The following CCSER2 variants were observed in gnomAD, a reference collection of about 807,000 sequenced individuals.
CCSER2 encodes the protein serine-rich coiled-coil domain-containing protein 2.
In CCSER2, 46 loss-of-function variants were observed where a neutral mutation model predicts 92.3. The observed-to-expected ratio is 0.50, with a 90% CI of 0.39 to 0.64. CCSER2 has a LOEUF of 0.64. CCSER2 is among the 30% of genes least tolerant of loss of function. The probability of loss-of-function intolerance (pLI) is 0.00; values close to 1 mark genes in which losing one functional copy is unlikely to be tolerated. For missense variants in CCSER2, 1,244 were observed against 1,238.9 expected, an observed-to-expected ratio of 1.00 and a Z score of -0.06; for synonymous variants, 433 against 431.4, an observed-to-expected ratio of 1.00 and a Z score of -0.04.
chr10:84,391,752 A>T (rs1156343905), intron 3 of CCSER2: 24 of 1,518,854 alleles, frequency 1.6e-5, no homozygotes, highest in Admixed American at 5.0e-5. Context: ...CTACAGCAGT[A>T]TGAAGACCCT....
At chr10:84,483,980 TA>T (rs1847631921) in intron 9 of CCSER2, among the ~76,000 whole-genome samples, 2 of 124,632 alleles carry the variant, frequency 1.6e-5, no homozygotes, top group South Asian at 2.7e-4. Flanking sequence ...TATATATATA[TA>T]TATATATATA....
rs558527229 is a variant in CCSER2, at chr10:84,516,657, C to T, written c.*2390C>T. On this transcript the variant is annotated 3_prime_UTR_variant, in exon 10 of 10. Transcript: ENST00000372088. ...TAATTCCCTAGTCTGAGGGAAATGT[C>T]TTTATTGTCCATTACATAAAAATGT... 151 of 152,204 alleles carry T rather than the reference C, an allele frequency of 9.9e-4. No homozygotes were observed. The highest frequency in any genetic ancestry group is 3.5e-3 in the African/African-American group (144 of 41,540). 9.4% of individuals were successfully genotyped at this position (152,204 alleles called of 1,614,324 possible). A position where few individuals can be genotyped will look rare whatever the true frequency, so the allele number is the denominator to read the frequency against.
intron 2 of CCSER2, 90 bp downstream of exon 2, chr10:84,372,559 ATAT>A (rs916101063): frequency 3.0e-5 from 25 of 822,996 alleles, no homozygotes; most frequent in East Asian, 1.5e-4. Flanking sequence ...AGATTTCAAG[ATAT>A]TATCAGTTTC....
chr10:84,438,247 C>G (rs1466341690), intron 5 of CCSER2, among the ~76,000 whole-genome samples: 1 of 152,148 alleles, frequency 6.6e-6, no homozygotes, highest in East Asian at 1.9e-4. Flanking sequence ...AGTATTGTTT[C>G]TATTCCGGTG....
At chr10:84,472,271 A>G (rs548009942) in intron 8 of CCSER2, among the ~76,000 whole-genome samples, 1 of 152,294 alleles carries the variant, frequency 6.6e-6, no homozygotes, top group East Asian at 1.9e-4. Flanking sequence ...AAGGCTGAAC[A>G]TAAAAGATTG....
chr10:84,419,343 C>T (rs536551791), intron 4 of CCSER2, among the ~76,000 whole-genome samples: 18 of 123,146 alleles, frequency 1.5e-4, no homozygotes, highest in African/African-American at 5.1e-4. Flanking sequence ...AAAATAAAAC[C>T]AGCTCCCTTC....
intron 1 of CCSER2, among the ~76,000 whole-genome samples, chr10:84,362,964 G>A (rs1371002166): frequency 6.6e-6 from 1 of 151,446 alleles, no homozygotes; most frequent in Non-Finnish European, 1.5e-5. Context: ...AGCCTCCCAA[G>A]TAGCTAGAAT....
chr10:84,439,822 C>T (rs1289385125), intron 6 of CCSER2, among the ~76,000 whole-genome samples: 1 of 152,152 alleles, frequency 6.6e-6, no homozygotes, highest in African/African-American at 2.4e-5. Context: ...GAGCTTACAG[C>T]CTAGTTCAAC....
chr10:84,444,739 A>T (rs909590305), intron 6 of CCSER2, among the ~76,000 whole-genome samples: 6 of 152,214 alleles, frequency 3.9e-5, no homozygotes, highest in Non-Finnish European at 7.3e-5. Flanking sequence ...TTAAGAGTTC[A>T]CTTGAAAAAA....
intron 7 of CCSER2, among the ~76,000 whole-genome samples, chr10:84,469,378 G>T (rs1009967969): frequency 6.6e-6 from 1 of 151,996 alleles, no homozygotes; most frequent in Non-Finnish European, 1.5e-5. Context: ...CAATTATAGT[G>T]TACATAATAG....
At chr10:84,429,893 A>G (rs1393091368) in intron 5 of CCSER2, among the ~76,000 whole-genome samples, 1 of 151,808 alleles carries the variant, frequency 6.6e-6, no homozygotes, top group Non-Finnish European at 1.5e-5. Context: ...AATACAAATA[A>G]TGTGAAAACT....
intron 6 of CCSER2, among the ~76,000 whole-genome samples, chr10:84,441,007 C>T (rs1343278383): frequency 1.3e-5 from 2 of 152,134 alleles, no homozygotes; most frequent in African/African-American, 2.4e-5. Context: ...TGTCCTTGGA[C>T]TTGAGTTTTG....
intron 3 of CCSER2, among the ~76,000 whole-genome samples, chr10:84,409,864 G>C (rs1842561709): frequency 6.6e-6 from 1 of 152,070 alleles, no homozygotes; most frequent in African/African-American, 2.4e-5. Flanking sequence ...TATCATCCAG[G>C]TATTAAGCCC....
rs1849518435 is a variant in CCSER2 at position 84,514,225 on chromosome 10, C to T, written c.3102C>T (p.Ala1034=). 1 of 1,536,294 alleles carries T rather than the reference C, an allele frequency of 6.5e-7. No individual in the cohort carries two copies. Among genetic ancestry groups the T allele is most frequent in the African/African-American group, 1.4e-5 (1 of 72,996 alleles). ...ATTTGCATTCTGGGGATTGTTTGGC[C>T]TCTAATCGATATTCTCGTCTTCCTA... The part of the protein sequence containing the change: ...NGNLHSGDCL[A]SNRYSRLPKP... Residue 1034 remains alanine (A), a synonymous_variant, in exon 10 of 10, where the codon GCC becomes GCT. Transcript: ENST00000372088.
At chr10:84,443,098 A>T (rs1844676679) in intron 6 of CCSER2, among the ~76,000 whole-genome samples, 1 of 152,238 alleles carries the variant, frequency 6.6e-6, no homozygotes, top group African/African-American at 2.4e-5. Context: ...CAAAGACATC[A>T]CGACTAAAAC....
At chr10:84,486,654 G>T (rs996323249) in intron 9 of CCSER2, among the ~76,000 whole-genome samples, 1 of 152,208 alleles carries the variant, frequency 6.6e-6, no homozygotes, top group African/African-American at 2.4e-5. Context: ...CCCTTTGTCA[G>T]ATGAGTAGAT....
intron 3 of CCSER2, among the ~76,000 whole-genome samples, chr10:84,414,078 G>T (rs972375665): frequency 1.3e-5 from 2 of 152,140 alleles, no homozygotes; most frequent in African/African-American, 4.8e-5. Flanking sequence ...ACAGCATACC[G>T]ATGGATCTTG....
At chr10:84,355,796 T>C (rs987646390) in intron 1 of CCSER2, among the ~76,000 whole-genome samples, 1 of 152,340 alleles carries the variant, frequency 6.6e-6, no homozygotes, top group Non-Finnish European at 1.5e-5. Flanking sequence ...TCTTGTCTTA[T>C]AGTTACTTTA....
intron 3 of CCSER2, among the ~76,000 whole-genome samples, chr10:84,413,829 A>G (rs1378703181): frequency 1.3e-5 from 2 of 152,108 alleles, no homozygotes; most frequent in African/African-American, 2.4e-5. Flanking sequence ...TGGTACTTCT[A>G]TGTTGGCTGC....
Sources: gnomAD v4.1 joint callset for allele counts (sites outside exome capture counted in the v4.1 genomes callset) on GRCh38, gnomAD v4.1.1 for gene constraint, MANE v1.5 for transcripts, NCBI Gene and HGNC (gene_info 2026-07-23, HGNC 2026-07-21) for gene names.